Variants in GRIP1 observed in about 807,000 individuals in gnomAD.
The protein encoded by GRIP1 is glutamate receptor interacting protein 1, also known as glutamate receptor-interacting protein 1.
A neutral mutation model predicts 129.9 loss-of-function variants in GRIP1; 45 were observed. The observed-to-expected ratio is 0.35, with a 90% CI of 0.27 to 0.44. The LOEUF (loss-of-function observed/expected upper bound fraction) is 0.44, where lower values mean the gene tolerates loss of function less well. GRIP1 is among the 20% of genes least tolerant of loss of function. The pLI is 1.00. For missense variants in GRIP1, 1,196 were observed against 1,396.8 expected, an observed-to-expected ratio of 0.86 and a Z score of 2.29; for synonymous variants, 530 against 520.8, an observed-to-expected ratio of 1.02 and a Z score of -0.24.
At chr12:67,042,431 T>C (rs1410906040) in intron 1 of GRIP1, among the ~76,000 whole-genome samples, 2 of 152,016 alleles carry the variant, frequency 1.3e-5, no homozygotes, top group Non-Finnish European at 2.9e-5. Context: ...TTTTCCACAA[T>C]CTCTTTTCAA....
chr12:66,934,344 A>T (rs980737781), intron 1 of GRIP1, among the ~76,000 whole-genome samples: 1 of 152,160 alleles, frequency 6.6e-6, no homozygotes, highest in African/African-American at 2.4e-5. Context: ...TATCTCCTCC[A>T]AGAAACTTTC....
At chr12:66,479,981 T>G (rs10784542) in intron 7 of GRIP1, among the ~76,000 whole-genome samples, 1 of 151,810 alleles carries the variant, frequency 6.6e-6, no homozygotes, top group African/African-American at 2.4e-5. Flanking sequence ...TGGGCAAAAA[T>G]TGGAAGCATT....
intron 1 of GRIP1, among the ~76,000 whole-genome samples, chr12:66,658,386 G>A (rs1227242200): frequency 6.6e-6 from 1 of 152,134 alleles, no homozygotes; most frequent in Non-Finnish European, 1.5e-5. Context: ...TTGTAGTCTT[G>A]TATTCCTGTA....
intron 1 of GRIP1, among the ~76,000 whole-genome samples, chr12:66,885,295 G>A (rs192196335): frequency 1.1e-4 from 16 of 152,254 alleles, no homozygotes; most frequent in Middle Eastern, 6.8e-3. Context: ...CCCCCGGTGC[G>A]CTTCACACCA....
At chr12:67,009,398 T>C (rs2042673275) in intron 1 of GRIP1, among the ~76,000 whole-genome samples, 1 of 152,186 alleles carries the variant, frequency 6.6e-6, no homozygotes, top group Non-Finnish European at 1.5e-5. Context: ...CTGAAGGCTG[T>C]ATTGAGTTAT....
In GRIP1 at chr12:66,958,306, AT is replaced by A. The variant is rs531758782; in HGVS notation, c.58+110743del. ...AGGCAAACACCACCACACCTGGCTA[AT>A]TTTTTTATAGAGATGGAATCCCACT... On this transcript the variant is annotated intron_variant, in intron 1 of 1. Transcript: ENST00000643019. Among the ~76,000 whole-genome samples, 394 of 152,120 alleles carry A rather than the reference AT, an allele frequency of 2.6e-3. 2 individuals carry two copies. Among genetic ancestry groups the A allele is most frequent in the South Asian group, 6.7e-3 (32 of 4,810 alleles).
intron 16 of GRIP1, among the ~76,000 whole-genome samples, chr12:66,401,034 A>G (rs1334501875): frequency 5.3e-5 from 8 of 152,300 alleles, no homozygotes; most frequent in African/African-American, 1.9e-4. Context: ...GAACCACTGG[A>G]CACTACCTGA....
intron 1 of GRIP1, among the ~76,000 whole-genome samples, chr12:66,713,342 T>C (rs545750515): frequency 3.3e-5 from 5 of 151,984 alleles, no homozygotes; most frequent in Non-Finnish European, 7.4e-5. Flanking sequence ...TGCCAGGTAG[T>C]GTGTAAGGTA....
At chr12:66,787,009 C>T (rs2038368966) in intron 1 of GRIP1, among the ~76,000 whole-genome samples, 1 of 152,046 alleles carries the variant, frequency 6.6e-6, no homozygotes, top group African/African-American at 2.4e-5. Flanking sequence ...AAATCCAAAA[C>T]AAAACAACAA....
intron 1 of GRIP1, among the ~76,000 whole-genome samples, chr12:66,750,227 G>A (rs888538495): frequency 6.6e-6 from 1 of 152,158 alleles, no homozygotes; most frequent in Non-Finnish European, 1.5e-5. Flanking sequence ...TCCATGGCAT[G>A]AGTTTAAAAA....
chr12:66,350,130 C>T (rs1043264766), intron 24 of GRIP1, among the ~76,000 whole-genome samples: 3 of 152,122 alleles, frequency 2.0e-5, no homozygotes, highest in African/African-American at 7.2e-5. Flanking sequence ...AACCCCACTT[C>T]GTTTTGATCC....
Position 66,748,341 on chromosome 12 carries a change from G to A in GRIP1, c.-420+55712C>T, listed in dbSNP as rs558773027. On this transcript the variant is annotated intron_variant, in intron 1 of 4. Transcript: ENST00000538373. ...CTCAGTTACTTATGTAAGAATTTTAGAGTCTGGGTGCAAATCCTGGCATCA... is the reference window on the plus strand; with the variant it reads ...CTCAGTTACTTATGTAAGAATTTTAAAGTCTGGGTGCAAATCCTGGCATCA... Among the ~76,000 whole-genome samples, 5 of 152,274 alleles carry A rather than the reference G, an allele frequency of 3.3e-5. No individual in the cohort carries two copies. The East Asian group carries it at 9.7e-4, about 29-fold the overall frequency.
chr12:67,043,163 T>G (rs1013865560), intron 1 of GRIP1, among the ~76,000 whole-genome samples: 1 of 152,182 alleles, frequency 6.6e-6, no homozygotes. Context: ...CTTGCAGTTC[T>G]ATGGCCATCA....
At chr12:66,550,839 T>C (rs1156625068) in intron 2 of GRIP1, among the ~76,000 whole-genome samples, 1 of 152,132 alleles carries the variant, frequency 6.6e-6, no homozygotes, top group Non-Finnish European at 1.5e-5. Flanking sequence ...CCGCCTCTCT[T>C]CCTAAGCATG....
intron 1 of GRIP1, among the ~76,000 whole-genome samples, chr12:66,652,143 TG>T (rs1411937221): frequency 6.6e-6 from 1 of 152,160 alleles, no homozygotes; most frequent in Non-Finnish European, 1.5e-5. Flanking sequence ...GTAGCAGCTA[TG>T]GGAGTGAAAT....
At chr12:66,865,104 A>T (rs1000577721) in intron 1 of GRIP1, among the ~76,000 whole-genome samples, 1 of 152,136 alleles carries the variant, frequency 6.6e-6, no homozygotes, top group African/African-American at 2.4e-5. Flanking sequence ...TGGATAAGGG[A>T]ACTGTAAGAT....
chr12:66,394,427 T>A (rs753123917), intron 16 of GRIP1, 75 bp from the exon 17 acceptor site: 2 of 1,238,278 alleles, frequency 1.6e-6, no homozygotes, highest in African/African-American at 1.5e-5. Context: ...GATTCATACA[T>A]AAAAGAATTC....
intron 7 of GRIP1, among the ~76,000 whole-genome samples, chr12:66,511,685 A>C (rs2060703473): frequency 6.6e-6 from 1 of 152,140 alleles, no homozygotes; most frequent in African/African-American, 2.4e-5. Flanking sequence ...TGGCATCACA[A>C]ACTCTCAAAA....
At chr12:66,760,582 C>G (rs2037443198) in intron 1 of GRIP1, among the ~76,000 whole-genome samples, 1 of 152,140 alleles carries the variant, frequency 6.6e-6, no homozygotes, top group Non-Finnish European at 1.5e-5. Flanking sequence ...CAAGAAAATA[C>G]CAGCCCCCAT....
Sources: gnomAD v4.1 joint callset for allele counts (sites outside exome capture counted in the v4.1 genomes callset) on GRCh38, gnomAD v4.1.1 for gene constraint, MANE v1.5 for transcripts, NCBI Gene and HGNC (gene_info 2026-07-23, HGNC 2026-07-21) for gene names.